Variants in LRP10 observed in about 807,000 individuals in gnomAD.
LRP10 encodes LDL receptor related protein 10, also known as low-density lipoprotein receptor-related protein 10.
LRP10 carries 42 observed loss-of-function variants against 58.5 expected under a neutral mutation model. The ratio of observed to expected loss-of-function variants is 0.72; its 90% CI spans 0.56 to 0.93. The LOEUF (loss-of-function observed/expected upper bound fraction) is 0.93, where lower values mean the gene tolerates loss of function less well. Among genes scored for constraint, LRP10 ranks in the 40% least tolerant of loss-of-function variants. The pLI, the probability that LRP10 is intolerant of heterozygous loss-of-function variation, is 0.00. For missense variants in LRP10, 872 were observed against 940.1 expected (o/e 0.93, Z 0.95); for synonymous variants, 377 against 388.5 (o/e 0.97, Z 0.35).
rs575725290 is a variant in LRP10, at chr14:22,880,130, T to A, written c.*2603T>A. 1 of 152,412 alleles carries A rather than the reference T, an allele frequency of 6.6e-6. No individual in the cohort carries two copies. The highest frequency in any genetic ancestry group is 1.9e-4 in the East Asian group (1 of 5,176). The allele number at this position is 152,412 out of a possible 1,614,324, so 9.4% of individuals were successfully genotyped here. On this transcript the variant is annotated 3_prime_UTR_variant, in exon 7 of 7. Transcript: ENST00000359591. ...TGGCTTTCGCCTGTAATCCTAGCAC[T>A]TTGGGAGGCCAAGGCAGGCAGACTG... is the stretch of plus-strand genomic sequence containing the variant.
chr14:22,879,020 C>A lies in LRP10; in HGVS notation c.*1493C>A. On this transcript the variant is annotated 3_prime_UTR_variant, in exon 7 of 7. Coordinates refer to ENST00000359591, the MANE Select transcript of LRP10 (RefSeq NM_014045.5). Reference sequence around the variant, plus strand: ...GACCCAGTCCCTGGGGAAAGAGGCTCCCCTCAGGCTCTCCTTGTCTAGCCC... The same window carrying A: ...GACCCAGTCCCTGGGGAAAGAGGCTACCCTCAGGCTCTCCTTGTCTAGCCC... The A allele has an allele frequency of 3.1e-6, 1 of 319,214 alleles. No homozygotes were observed. The highest frequency in any genetic ancestry group is 6.6e-6 in the Non-Finnish European group (1 of 151,442). 19.8% of individuals were successfully genotyped at this position (319,214 alleles called of 1,614,324 possible).
At position 22,875,378 on chromosome 14, in the gene LRP10, G is replaced by C; in HGVS notation, c.430G>C (p.Glu144Gln). The C allele has an allele frequency of 6.2e-7, 1 of 1,612,662 alleles. No individual in the cohort carries two copies. Among genetic ancestry groups the C allele is most frequent in the Non-Finnish European group, 8.5e-7 (1 of 1,178,896 alleles). ...SQDWLMCLQE[E>Q]FQCLNHRCVS... ...AGATTGGCTGATGTGCCTGCAGGAA[G>C]AGTTTCAGTGCCTGAACCACCGCTG... Residue 144 changes from glutamate (E) to glutamine (Q), a missense_variant, in exon 5 of 7, where the codon GAG (glutamate) becomes CAG (glutamine). Coordinates refer to ENST00000359591, the MANE Select transcript of LRP10 (RefSeq NM_014045.5).
chr14:22,879,831 G>A lies in LRP10; in HGVS notation c.*2304G>A, dbSNP rs1376322254. On this transcript the variant is annotated 3_prime_UTR_variant, in exon 7 of 7. Coordinates refer to ENST00000359591, the MANE Select transcript of LRP10 (RefSeq NM_014045.5). ...ACTGACCTTGTACAGGCAGCATGGAGAAACTAAGACAGAGTGTCCTGCCCA... is the reference window on the plus strand; with the variant it reads ...ACTGACCTTGTACAGGCAGCATGGAAAAACTAAGACAGAGTGTCCTGCCCA... 6.6e-6 allele frequency: 1 copy of A among 152,306 alleles called. No homozygotes were observed. Among genetic ancestry groups the A allele is most frequent in the Non-Finnish European group, 1.5e-5 (1 of 68,114 alleles). 9.4% of individuals were successfully genotyped at this position (152,306 alleles called of 1,614,324 possible).
At position 22,879,385 on chromosome 14, in the gene LRP10, GCAAA is replaced by G. The variant is rs2040039841; in HGVS notation, c.*1862_*1865del. 3.2e-6 allele frequency: 1 copy of G among 310,120 alleles called. No homozygotes were observed. Among genetic ancestry groups the G allele is most frequent in the Admixed American group, 3.7e-5 (1 of 27,070 alleles). 19.2% of individuals were successfully genotyped at this position (310,120 alleles called of 1,614,324 possible). On this transcript the variant is annotated 3_prime_UTR_variant, in exon 7 of 7. Coordinates refer to ENST00000359591, the MANE Select transcript of LRP10 (RefSeq NM_014045.5). ...TCCCTTTGGGCCCTCCTTCCCAAAC[GCAAA>G]CAATCCAGGATCCACTCAGCGTCAG...
chr14:22,875,986 C>T lies in LRP10; in HGVS notation c.1038C>T (p.Asp346=), dbSNP rs201657631. ...GTGACGGCTCATGGGACTGTGCTGA[C>T]GGCACAGATGAGGAGGACTGCCCAG... ...QRCDGSWDCA[D]GTDEEDCPGC... The change falls in exon 5 of 7, where the codon GAC becomes GAT. Residue 346 remains aspartate (D), a synonymous_variant. Transcript: ENST00000359591. The T allele has an allele frequency of 5.2e-5, 84 of 1,613,378 alleles. No homozygotes were observed. The South Asian group carries it at 5.9e-4, about 11-fold the overall frequency.
chr14:22,876,173 G>T lies in LRP10; in HGVS notation c.1225G>T (p.Glu409Ter). Residue 409 changes from glutamate to a stop codon, truncating the protein, a stop_gained, in exon 5 of 7, where the codon GAG (glutamate) becomes TAG (stop). Transcript: ENST00000359591. LOFTEE classifies it high-confidence loss of function. ...GCCTGGCAATTTCCGATGCCGGGAC[G>T]AGAAGTGCGTGTATGAGACGTGGGT... ...CQPGNFRCRD[E>*]KCVYETWVCD... 1 of 1,614,224 alleles carries T rather than the reference G, an allele frequency of 6.2e-7. No individual in the cohort carries two copies.
chr14:22,872,255 T>A lies in LRP10; in HGVS notation c.-49T>A. 1 of 1,608,364 alleles carries A rather than the reference T, an allele frequency of 6.2e-7. No individual in the cohort carries two copies. The highest frequency in any genetic ancestry group is 8.5e-7 in the Non-Finnish European group (1 of 1,175,094). On this transcript the variant is annotated 5_prime_UTR_variant, in exon 1 of 7. It removes the in-frame stop codon of an upstream open reading frame in the 5' UTR. Transcript: ENST00000359591. ...GGGGCTCCGCCGCGACCCCATCGGG[T>A]AGACCACAGAAGCTCCGGGACCCTT... is the stretch of plus-strand genomic sequence containing the variant.
rs1354573002 is a variant in LRP10, at chr14:22,873,174, G to GT, written c.80-136dup. On this transcript the variant is annotated intron_variant, in intron 2 of 6. Transcript: ENST00000359591. Reference sequence around the variant, plus strand: ...AGCTAGAAGGCTGTAACTCTAGGCTGTGTGTGGGCAGGGGCAGATACTCTG... The same window carrying GT: ...AGCTAGAAGGCTGTAACTCTAGGCTGTTGTGTGGGCAGGGGCAGATACTCTG... The GT allele has an allele frequency of 6.9e-6, 7 of 1,008,624 alleles. No individual in the cohort carries two copies. In the African/African-American group the frequency reaches 1.1e-4, roughly 16 times the overall value. 62.5% of individuals were successfully genotyped at this position (1,008,624 alleles called of 1,614,324 possible). A position where few individuals can be genotyped will look rare whatever the true frequency, so the allele number is the denominator to read the frequency against.
rs567769055 is a variant in LRP10 at position 22,871,867 on chromosome 14, G to T, written c.-437G>T. On this transcript the variant is annotated 5_prime_UTR_variant, in exon 1 of 7. Coordinates refer to ENST00000359591, the MANE Select transcript of LRP10 (RefSeq NM_014045.5). Reference sequence around the variant, plus strand: ...CGCGCTCCGCTGGCTGGACGCGCTGGAGGAGTGGAGCAGCACCCGGCCGGC... The same window carrying T: ...CGCGCTCCGCTGGCTGGACGCGCTGTAGGAGTGGAGCAGCACCCGGCCGGC... 4.4e-4 allele frequency: 88 copies of T among 200,032 alleles called. No individual in the cohort carries two copies. In the South Asian group the frequency reaches 5.7e-3, roughly 13 times the overall value. The allele number at this position is 200,032 out of a possible 1,614,324, so 12.4% of individuals were successfully genotyped here. A position where few individuals can be genotyped will look rare whatever the true frequency, so the allele number is the denominator to read the frequency against.
chr14:22,876,033 C>T lies in LRP10; in HGVS notation c.1085C>T (p.Pro362Leu). 6.2e-7 allele frequency: 1 copy of T among 1,613,354 alleles called. No individual in the cohort carries two copies. The highest frequency in any genetic ancestry group is 8.5e-7 in the Non-Finnish European group (1 of 1,179,942). Residue 362 changes from proline to leucine, a missense_variant, in exon 5 of 7, where the codon CCC (proline) becomes CTC (leucine). Physicochemically the swap from Pro to Leu is moderately conservative, Grantham distance 98 (BLOSUM62 -3). Transcript: ENST00000359591. ...CCAGGCTGCCCACCTGGACACTTCC[C>T]CTGTGGGGCTGCTGGCACCTCTGGT... ...DCPGCPPGHF[P>L]CGAAGTSGAT...
chr14:22,874,357 G>T (rs1217975491), intron 3 of LRP10, among the ~76,000 whole-genome samples: 4 of 152,162 alleles, frequency 2.6e-5, no homozygotes. Context: ...CAGTGGGGTG[G>T]GATAAGATGG....
rs2040054525 is a variant in LRP10 at position 22,880,829 on chromosome 14, C to T, written c.*3302C>T. The T allele has an allele frequency of 6.6e-6, 1 of 152,222 alleles. No individual in the cohort carries two copies. Among genetic ancestry groups the T allele is most frequent in the Non-Finnish European group, 1.5e-5 (1 of 68,086 alleles). The allele number at this position is 152,222 out of a possible 1,614,324, so 9.4% of individuals were successfully genotyped here. A position where few individuals can be genotyped will look rare whatever the true frequency, so the allele number is the denominator to read the frequency against. Reference sequence around the variant, plus strand: ...GACCATCCTGGCCAACATGGTGACACCGTGTCTCTACTAAAAATACAAAAA... The same window carrying T: ...GACCATCCTGGCCAACATGGTGACATCGTGTCTCTACTAAAAATACAAAAA... On this transcript the variant is annotated 3_prime_UTR_variant, in exon 7 of 7. Coordinates refer to ENST00000359591, the MANE Select transcript of LRP10 (RefSeq NM_014045.5).
chr14:22,873,579 C>T (rs2039977255), intron 3 of LRP10, 133 bp downstream of exon 3: 1 of 1,135,622 alleles, frequency 8.8e-7, no homozygotes, highest in Admixed American at 2.7e-5. Context: ...GGCTGGAGTG[C>T]AATGGCGCGA....
Position 22,875,961 on chromosome 14 carries a change from G to C in LRP10, c.1013G>C (p.Cys338Ser). Residue 338 changes from cysteine (C) to serine (S), a missense_variant, in exon 5 of 7, where the codon TGT becomes TCT. Physicochemically the swap from Cys to Ser is moderately radical, Grantham distance 112. Transcript: ENST00000359591. ...CGCTGCTACAGTGAGGCACAGCGCT[G>C]TGACGGCTCATGGGACTGTGCTGAC... ...GERCYSEAQR[C>S]DGSWDCADGT... is the part of the protein sequence containing the mutation. The C allele has an allele frequency of 6.2e-7, 1 of 1,613,622 alleles. No individual in the cohort carries two copies. Among genetic ancestry groups the C allele is most frequent in the Non-Finnish European group, 8.5e-7 (1 of 1,180,030 alleles).
In LRP10 at chr14:22,881,668, A is replaced by C. The variant is rs1462310240; in HGVS notation, c.*4141A>C. 1 of 152,268 alleles carries C rather than the reference A, an allele frequency of 6.6e-6. No individual in the cohort carries two copies. Among genetic ancestry groups the C allele is most frequent in the Non-Finnish European group, 1.5e-5 (1 of 68,060 alleles). The allele number at this position is 152,268 out of a possible 1,614,324, so 9.4% of individuals were successfully genotyped here. A position where few individuals can be genotyped will look rare whatever the true frequency, so the allele number is the denominator to read the frequency against. On this transcript the variant is annotated 3_prime_UTR_variant, in exon 7 of 7. Coordinates refer to ENST00000359591, the MANE Select transcript of LRP10 (RefSeq NM_014045.5). ...TTCTAATCTACTAGTACAGGAACAC[A>C]CATGGACACGTTAAAATTGTGAATA... is the stretch of plus-strand genomic sequence containing the variant.
At chr14:22,872,364 C>A (rs1207577607) in intron 1 of LRP10, 27 bp downstream of exon 1, 3 of 1,613,802 alleles carry the variant, frequency 1.9e-6, no homozygotes, top group Middle Eastern at 1.6e-4. Flanking sequence ...TACCAACCCC[C>A]AGCCTTCTGT....
chr14:22,877,201 G>C lies in LRP10; in HGVS notation c.1816G>C (p.Gly606Arg), dbSNP rs781315764. ...TGPAREGGAV[G>R]GQDGEQAPPL... ...TCCAGCCCGTGAGGGCGGGGCAGTG[G>C]GTGGGCAAGATGGGGAGCAGGCACC... The change falls in exon 7 of 7, where the codon GGT becomes CGT. Residue 606 changes from glycine (G) to arginine (R), a missense_variant. By Grantham distance (125) the Gly-to-Arg change is moderately radical. Coordinates refer to ENST00000359591, the MANE Select transcript of LRP10 (RefSeq NM_014045.5). The surrounding 1 kb of genome is among the most constrained non-coding windows in gnomAD (Gnocchi z 5.1). 2.5e-6 allele frequency: 4 copies of C among 1,600,362 alleles called. No individual in the cohort carries two copies. In the African/African-American group the frequency reaches 4.0e-5, roughly 16 times the overall value.
chr14:22,881,388 A>G lies in LRP10; in HGVS notation c.*3861A>G, dbSNP rs909926055. 4 of 152,384 alleles carry G rather than the reference A, an allele frequency of 2.6e-5. No individual in the cohort carries two copies. The highest frequency in any genetic ancestry group is 3.4e-3 in the Middle Eastern group (1 of 294). The allele number at this position is 152,384 out of a possible 1,614,324, so 9.4% of individuals were successfully genotyped here. On this transcript the variant is annotated 3_prime_UTR_variant, in exon 7 of 7. Coordinates refer to ENST00000359591, the MANE Select transcript of LRP10 (RefSeq NM_014045.5). Reference sequence around the variant, plus strand: ...CATTTTGGAAGGAAGTCATTCTAAAATGTTACACTTGTCTTCAGCATATCT... The same window carrying G: ...CATTTTGGAAGGAAGTCATTCTAAAGTGTTACACTTGTCTTCAGCATATCT...
chr14:22,877,508 A>G lies in LRP10; in HGVS notation c.2123A>G (p.Asp708Gly). ...EPGVWVAEAE[D>G]EPLLT ...GGGGTGTGGGTAGCTGAGGCAGAGGATGAGCCACTGCTTACCTGAGGGGAC... is the reference window on the plus strand; with the variant it reads ...GGGGTGTGGGTAGCTGAGGCAGAGGGTGAGCCACTGCTTACCTGAGGGGAC... Residue 708 changes from aspartate to glycine, a missense_variant, in exon 7 of 7, where the codon GAT becomes GGT. Asp to Gly is a moderately conservative substitution (Grantham distance 94). Transcript: ENST00000359591. The surrounding 1 kb of genome is among the most constrained non-coding windows in gnomAD (Gnocchi z 5.1). 3.1e-6 allele frequency: 5 copies of G among 1,606,208 alleles called. No homozygotes were observed. Among genetic ancestry groups the G allele is most frequent in the Non-Finnish European group, 4.3e-6 (5 of 1,176,390 alleles).
Sources: gnomAD v4.1 joint callset for allele counts (sites outside exome capture counted in the v4.1 genomes callset) on GRCh38, gnomAD v4.1.1 for gene constraint, Gnocchi (gnomAD v3.1) non-coding constraint, MANE v1.5 for transcripts, NCBI Gene and HGNC (gene_info 2026-07-23, HGNC 2026-07-21) for gene names.